USP43: variants seen among roughly 807,000 people sequenced by gnomAD.
USP43 encodes the protein ubiquitin carboxyl-terminal hydrolase 43.
In USP43, 33 loss-of-function variants were observed where a neutral mutation model predicts 90.7. That is an observed-to-expected ratio of 0.36 (90% CI 0.28 to 0.49). USP43 has a LOEUF of 0.49. Among genes scored for constraint, USP43 ranks in the 20% least tolerant of loss-of-function variants. USP43 has a pLI of 0.98. For synonymous variants in USP43, 598 were observed against 615.8 expected, an observed-to-expected ratio of 0.97 and a Z score of 0.43; for missense variants, 1,274 against 1,476.4, an observed-to-expected ratio of 0.86 and a Z score of 2.25.
intron 1 of USP43, among the ~76,000 whole-genome samples, chr17:9,650,066 T>G (rs1911750031): frequency 6.6e-6 from 1 of 152,196 alleles, no homozygotes; most frequent in Non-Finnish European, 1.5e-5. Flanking sequence ...TCTTCACCAC[T>G]CTTACGTTTT....
intron 14 of USP43, among the ~76,000 whole-genome samples, chr17:9,717,582 C>T (rs942997830): frequency 6.6e-6 from 1 of 151,868 alleles, no homozygotes; most frequent in Non-Finnish European, 1.5e-5. Context: ...CCCATGTCTG[C>T]GTGGGTTTTC....
chr17:9,683,205 C>T (rs1914406346), intron 7 of USP43, among the ~76,000 whole-genome samples: 1 of 152,120 alleles, frequency 6.6e-6, no homozygotes, highest in South Asian at 2.1e-4. Flanking sequence ...ACTGCCTTCA[C>T]CACTGTTATT....
At chr17:9,656,586 A>G in intron 2 of USP43, 52 bp downstream of exon 2, 1 of 1,537,118 alleles carries the variant, frequency 6.5e-7, no homozygotes, top group African/African-American at 1.4e-5. Flanking sequence ...TTTTTCTTTT[A>G]AATATTGACT....
intron 7 of USP43, among the ~76,000 whole-genome samples, chr17:9,683,406 G>A (rs920667406): frequency 2.0e-5 from 3 of 150,620 alleles, no homozygotes; most frequent in East Asian, 1.9e-4. Context: ...CCCAAATAAA[G>A]TGTTTAAAAG....
At chr17:9,675,998 C>G (rs1830428961) in intron 4 of USP43, among the ~76,000 whole-genome samples, 2 of 152,048 alleles carry the variant, frequency 1.3e-5, no homozygotes, top group Admixed American at 1.3e-4. Flanking sequence ...GAGTACAGAT[C>G]AAGAGAAACA....
intron 14 of USP43, among the ~76,000 whole-genome samples, chr17:9,713,488 C>T (rs1391476098): frequency 2.0e-5 from 3 of 152,112 alleles, no homozygotes; most frequent in African/African-American, 7.2e-5. Flanking sequence ...ACTTTTTTAG[C>T]TTAGAGTTTT....
intron 3 of USP43, among the ~76,000 whole-genome samples, chr17:9,669,167 G>A (rs1913235432): frequency 6.6e-6 from 1 of 152,140 alleles, no homozygotes; most frequent in African/African-American, 2.4e-5. Context: ...CTCTTCAGGT[G>A]CCCAACGCAG....
At chr17:9,675,481 G>A (rs1913708871) in intron 4 of USP43, among the ~76,000 whole-genome samples, 1 of 152,178 alleles carries the variant, frequency 6.6e-6, no homozygotes, top group African/African-American at 2.4e-5. Flanking sequence ...CATGGGCCGA[G>A]TTCTATAAAA....
At chr17:9,676,617 C>A in intron 4 of USP43, 129 bp from the exon 5 acceptor site, 1 of 1,195,414 alleles carries the variant, frequency 8.4e-7, no homozygotes, top group Non-Finnish European at 1.1e-6. Context: ...GGTGATCCAC[C>A]TGCTTCAGCC....
intron 12 of USP43, among the ~76,000 whole-genome samples, chr17:9,703,468 T>G (rs391227): frequency 0.27 from 41,338 of 152,134 alleles, 7,775 homozygotes; most frequent in African/African-American, 0.54. Flanking sequence ...TGCCCGATTT[T>G]GGGGGTGGTG....
chr17:9,725,137 G>A (rs1917194076), intron 14 of USP43, among the ~76,000 whole-genome samples: 2 of 152,320 alleles, frequency 1.3e-5, no homozygotes, highest in Non-Finnish European at 2.9e-5. Context: ...GGGGTGTCAG[G>A]GGACTGAGCC....
chr17:9,694,554 A>T (rs1915147499), intron 9 of USP43, among the ~76,000 whole-genome samples: 1 of 152,142 alleles, frequency 6.6e-6, no homozygotes, highest in African/African-American at 2.4e-5. Flanking sequence ...ATTTCTTTTA[A>T]AAATGGAACT....
chr17:9,667,199 A>C (rs986429634), intron 3 of USP43, among the ~76,000 whole-genome samples: 5 of 147,828 alleles, frequency 3.4e-5, no homozygotes, highest in African/African-American at 1.3e-4. Context: ...CATCTGTACC[A>C]AAAAAAACCA....
Position 9,682,889 on chromosome 17 carries a change from C to G in USP43, c.1172C>G (p.Ser391Cys), listed in dbSNP as rs532889607. The change falls in exon 7 of 15, where the codon TCT becomes TGT. Residue 391 changes from serine (S) to cysteine (C), a missense_variant. Transcript: ENST00000285199. ...AAREGQRFSLSLHSESKVLIL... is the reference protein window; with the variant it reads ...AAREGQRFSLCLHSESKVLIL... ...CGTGAGGGCCAGCGATTCTCCCTCT[C>G]TCTCCACAGTGAGAGCAAGGTGCTA... 1 of 1,614,072 alleles carries G rather than the reference C, an allele frequency of 6.2e-7. No individual in the cohort carries two copies. The highest frequency in any genetic ancestry group is 1.3e-5 in the African/African-American group (1 of 75,076).
At chr17:9,672,573 G>A (rs1913510698) in intron 3 of USP43, among the ~76,000 whole-genome samples, 1 of 152,168 alleles carries the variant, frequency 6.6e-6, no homozygotes, top group Admixed American at 6.5e-5. Context: ...ATATCCTTCA[G>A]GCCAATTTTT....
intron 12 of USP43, among the ~76,000 whole-genome samples, chr17:9,704,579 A>G (rs1045624633): frequency 6.6e-6 from 1 of 152,104 alleles, no homozygotes; most frequent in Admixed American, 6.5e-5. Context: ...GGCCTCCCAA[A>G]GTGCTGGGAT....
chr17:9,684,480 TCAG>T (rs541187258), intron 7 of USP43, among the ~76,000 whole-genome samples: 32 of 152,144 alleles, frequency 2.1e-4, no homozygotes, highest in African/African-American at 7.0e-4. Context: ...ATATTCAGCA[TCAG>T]CTTGGCACGG....
At chr17:9,710,218 T>A in intron 13 of USP43, 104 bp downstream of exon 13, 2 of 1,267,730 alleles carry the variant, frequency 1.6e-6, no homozygotes, top group East Asian at 5.8e-5. Flanking sequence ...TTGGCAAGGA[T>A]CTGAAAGAGG....
At chr17:9,720,063 T>C (rs1916847642) in intron 14 of USP43, among the ~76,000 whole-genome samples, 1 of 145,576 alleles carries the variant, frequency 6.9e-6, no homozygotes, top group Admixed American at 6.8e-5. Context: ...TGAGACCCTG[T>C]CTCAAAAAAA....
Sources: allele counts gnomAD v4.1 joint callset (sites outside exome capture counted in the v4.1 genomes callset), GRCh38; gene constraint gnomAD v4.1.1; transcripts MANE v1.5; gene names NCBI Gene and HGNC (gene_info 2026-07-23, HGNC 2026-07-21).